USP37: variants seen among roughly 807,000 people sequenced by gnomAD.
USP37 encodes the protein ubiquitin carboxyl-terminal hydrolase 37.
In USP37, 27 loss-of-function variants were observed where a neutral mutation model predicts 124.0. That is an observed-to-expected ratio of 0.22 (90% CI 0.16 to 0.30). USP37 has a LOEUF of 0.30. Among genes scored for constraint, USP37 ranks in the 10% least tolerant of loss-of-function variants. The probability of loss-of-function intolerance (pLI) is 1.00; values close to 1 mark genes in which losing one functional copy is unlikely to be tolerated. For synonymous variants in USP37, 365 were observed against 388.0 expected, an observed-to-expected ratio of 0.94 and a Z score of 0.70; for missense variants, 889 against 1,140.4, an observed-to-expected ratio of 0.78 and a Z score of 3.17.
At chr2:218,562,336 A>T (rs1386858265) in intron 2 of USP37, among the ~76,000 whole-genome samples, 2 of 152,262 alleles carry the variant, frequency 1.3e-5, no homozygotes, top group African/African-American at 2.4e-5. Flanking sequence ...AAATAAGAAG[A>T]CAAAAGATAA....
chr2:218,549,728 T>G, intron 6 of USP37, 81 bp downstream of exon 6: 13 of 1,357,562 alleles, frequency 9.6e-6, no homozygotes, highest in Non-Finnish European at 1.3e-5. Context: ...GCCTCCCAAG[T>G]GCTGGGATTA....
chr2:218,546,820 T>G, intron 7 of USP37, 99 bp downstream of exon 7: 7 of 1,342,264 alleles, frequency 5.2e-6, no homozygotes, highest in East Asian at 2.4e-5. Flanking sequence ...ACCAAAAATG[T>G]ACTCTATACT....
At chr2:218,564,167 C>A (rs1559235334) in intron 1 of USP37, among the ~76,000 whole-genome samples, 2 of 152,224 alleles carry the variant, frequency 1.3e-5, no homozygotes, top group Admixed American at 1.3e-4. Flanking sequence ...TATCCTCACT[C>A]TTATCTACTC....
intron 10 of USP37, among the ~76,000 whole-genome samples, chr2:218,522,533 A>T (rs1484343036): frequency 6.9e-6 from 1 of 144,612 alleles, no homozygotes; most frequent in Non-Finnish European, 1.5e-5. Context: ...ACCGTACTCC[A>T]GCCTAGGTGA....
chr2:218,468,592 A>G (rs1690500732), intron 20 of USP37, among the ~76,000 whole-genome samples: 2 of 152,206 alleles, frequency 1.3e-5, no homozygotes, highest in Admixed American at 6.5e-5. Context: ...CTCCTCATCA[A>G]GAAGTATTTA....
rs1428198408 is a variant in USP37, at chr2:218,474,670, G to A, written c.2259C>T (p.Asp753=). 5 of 1,614,158 alleles carry A rather than the reference G, an allele frequency of 3.1e-6. No individual in the cohort carries two copies. The highest frequency in any genetic ancestry group is 2.5e-6 in the Non-Finnish European group (3 of 1,180,046). The change falls in exon 20 of 26, where the codon GAC becomes GAT. Residue 753 remains aspartate, a synonymous_variant. Transcript: ENST00000258399. The part of the protein sequence containing the change: ...DDIQEMPENP[D]TMETEKPKTI... ...TTTTGGGCTTCTCAGTTTCCATAGT[G>A]TCTGGATTTTCTGGCATTTCTTGAA...
At chr2:218,476,204 A>C (rs1348540285) in intron 19 of USP37, among the ~76,000 whole-genome samples, 1 of 152,210 alleles carries the variant, frequency 6.6e-6, no homozygotes, top group Non-Finnish European at 1.5e-5. Flanking sequence ...TCCAATTAAT[A>C]AATCCATAAT....
intron 8 of USP37, among the ~76,000 whole-genome samples, chr2:218,538,352 G>A (rs939485220): frequency 2.0e-5 from 3 of 152,146 alleles, no homozygotes; most frequent in Non-Finnish European, 4.4e-5. Context: ...ATAGGGGCTT[G>A]GAACGAGCAA....
intron 6 of USP37, among the ~76,000 whole-genome samples, chr2:218,547,831 CAA>C (rs986572942): frequency 6.6e-6 from 1 of 151,988 alleles, no homozygotes; most frequent in African/African-American, 2.4e-5. Flanking sequence ...GAAGATGAAT[CAA>C]AGAGTCTACC....
intron 20 of USP37, among the ~76,000 whole-genome samples, chr2:218,466,746 T>G (rs1279176020): frequency 6.6e-6 from 1 of 152,160 alleles, no homozygotes; most frequent in Non-Finnish European, 1.5e-5. Context: ...CTTTTTTTTA[T>G]TTTTTGGGGA....
At chr2:218,501,698 A>G (rs1396824633) in intron 11 of USP37, among the ~76,000 whole-genome samples, 1 of 152,212 alleles carries the variant, frequency 6.6e-6, no homozygotes, top group African/African-American at 2.4e-5. Flanking sequence ...TTGAGCTGAG[A>G]GAAATGAGTT....
intron 21 of USP37, among the ~76,000 whole-genome samples, chr2:218,464,481 A>G (rs1574839952): frequency 1.3e-5 from 2 of 150,328 alleles, no homozygotes; most frequent in Non-Finnish European, 3.0e-5. Flanking sequence ...TAAGGGATCC[A>G]CCCACCTTGG....
intron 10 of USP37, among the ~76,000 whole-genome samples, chr2:218,522,030 A>G (rs1574919370): frequency 7.2e-6 from 1 of 139,758 alleles, no homozygotes; most frequent in Non-Finnish European, 1.5e-5. Context: ...CCATGCCACC[A>G]CACGTGGCTT....
At chr2:218,463,255 G>T in intron 22 of USP37, 51 bp downstream of exon 22, 2 of 1,484,902 alleles carry the variant, frequency 1.3e-6, no homozygotes, top group Non-Finnish European at 1.9e-6. Flanking sequence ...TCTTCTATGT[G>T]TGAATGGTAA....
rs1269087990 is a variant in USP37 at position 218,529,652 on chromosome 2, C to CG, written c.863+303dup. ...TCTCTTTTTTTTTGAGACAGGGTCT[C>CG]GTTCTGTTGCTCAAGCTGGAGTACA... On this transcript the variant is annotated intron_variant, in intron 10 of 25. Coordinates refer to ENST00000258399, the MANE Select transcript of USP37 (RefSeq NM_020935.3). Among the ~76,000 whole-genome samples, 32 of 151,808 alleles carry CG rather than the reference C, an allele frequency of 2.1e-4. 1 individual carries two copies. In the East Asian group the frequency reaches 6.0e-3, roughly 28 times the overall value.
intron 20 of USP37, among the ~76,000 whole-genome samples, chr2:218,467,354 TCTA>T (rs200787867): frequency 2.0e-5 from 3 of 148,642 alleles, no homozygotes; most frequent in South Asian, 2.1e-4. Flanking sequence ...TATCTATCTA[TCTA>T]TTTTTTTTTG....
At chr2:218,544,029 C>G (rs1293199590) in intron 8 of USP37, among the ~76,000 whole-genome samples, 1 of 151,902 alleles carries the variant, frequency 6.6e-6, no homozygotes, top group East Asian at 1.9e-4. Flanking sequence ...TATACAGGAA[C>G]ATTCTATGTT....
Position 218,474,863 on chromosome 2 carries a change from T to G in USP37, c.2066A>C (p.Glu689Ala). ...LEKDSKLCPI[E>A]PDKSELENSG... is the part of the protein sequence containing the mutation. ...GTTTTCCAATTCAGACTTGTCAGGC[T>G]CTATTGGGCATAATTTTGAATCCTG... The change falls in exon 20 of 26, where the codon GAG becomes GCG. Residue 689 changes from glutamate to alanine, a missense_variant. Glu to Ala is a moderately radical substitution (Grantham distance 107). This residue lies in a region of USP37 where 504 missense variants were observed against 714.3 expected (regional missense o/e 0.71). Coordinates refer to ENST00000258399, the MANE Select transcript of USP37 (RefSeq NM_020935.3). 2 of 1,612,974 alleles carry G rather than the reference T, an allele frequency of 1.2e-6. No homozygotes were observed. Among genetic ancestry groups the G allele is most frequent in the Non-Finnish European group, 1.7e-6 (2 of 1,179,776 alleles).
At chr2:218,487,870 C>T (rs1286657581) in intron 15 of USP37, among the ~76,000 whole-genome samples, 1 of 151,678 alleles carries the variant, frequency 6.6e-6, no homozygotes, top group Non-Finnish European at 1.5e-5. Context: ...CATCTGTTTT[C>T]CCCACGAATA....
Sources: allele counts gnomAD v4.1 joint callset (sites outside exome capture counted in the v4.1 genomes callset), GRCh38; gene constraint gnomAD v4.1.1; regional missense constraint gnomAD v4.1.1; transcripts MANE v1.5; gene names NCBI Gene and HGNC (gene_info 2026-07-23, HGNC 2026-07-21).